The following SVEP1 variants were observed in gnomAD, a reference collection of about 807,000 sequenced individuals.
The protein encoded by SVEP1 is sushi, von Willebrand factor type A, EGF and pentraxin domain containing 1, also known as sushi, von Willebrand factor type A, EGF and pentraxin domain-containing protein 1.
A neutral mutation model predicts 367.3 loss-of-function variants in SVEP1; 164 were observed. The ratio of observed to expected loss-of-function variants is 0.45; its 90% CI spans 0.39 to 0.51. SVEP1 has a LOEUF of 0.51. Among genes scored for constraint, SVEP1 ranks in the 20% least tolerant of loss-of-function variants. SVEP1 has a pLI of 0.00. For missense variants in SVEP1, 4,117 were observed against 4,425.3 expected (o/e 0.93, Z 1.98); for synonymous variants, 1,666 against 1,611.6 (o/e 1.03, Z -0.81).
At position 110,574,902 on chromosome 9, in the gene SVEP1, C is replaced by T. The variant is rs973341786; in HGVS notation, c.531+4111G>A. On this transcript the variant is annotated intron_variant, in intron 1 of 47. Transcript: ENST00000374469. ...CTGGGACTACAGGCACCCACCACCA[C>T]GCCCGGCTAATTTTTTGTGTTTTTA... 3.6e-4 allele frequency among the ~76,000 whole-genome samples: 55 copies of T among 151,886 alleles called. 2 individuals carry two copies. Among genetic ancestry groups the T allele is most frequent in the Non-Finnish European group, 4.4e-5 (3 of 67,970 alleles).
chr9:110,394,206 C>T (rs1377926950), intron 40 of SVEP1, among the ~76,000 whole-genome samples: 4 of 151,830 alleles, frequency 2.6e-5, no homozygotes, highest in Admixed American at 6.6e-5. Context: ...CACCAATATC[C>T]GCTGTTCTGC....
rs1208466571 is a variant in SVEP1, at chr9:110,471,578, A to G, written c.2784T>C (p.Asp928=). Residue 928 remains aspartate (D), a synonymous_variant, in exon 16 of 48, where the codon GAT becomes GAC. Transcript: ENST00000374469. The part of the protein sequence containing the change: ...FNITASVPLP[D]ERNDTLEWEN... ...CCCATTCAAGGGTATCATTTCTTTC[A>G]TCGGGTAATGGCACACTAGCTGAGA... 1 of 1,613,656 alleles carries G rather than the reference A, an allele frequency of 6.2e-7. No homozygotes were observed. Among genetic ancestry groups the G allele is most frequent in the Non-Finnish European group, 8.5e-7 (1 of 1,179,702 alleles).
Position 110,390,057 on chromosome 9 carries a change from A to ATGTG in SVEP1, c.9823-471_9823-470insCACA, listed in dbSNP as rs1827609718. On this transcript the variant is annotated intron_variant, in intron 40 of 47. Transcript: ENST00000374469. The stretch of plus-strand genomic sequence containing the variant: ...TATATATAAGTATATATACACGTAT[A>ATGTG]TATATAAGTATATATATATACGTGT... Among the ~76,000 whole-genome samples the ATGTG allele has an allele frequency of 5.0e-5, 6 of 120,154 alleles. No individual in the cohort carries two copies. The South Asian group carries it at 1.7e-3, about 33-fold the overall frequency. 78.8% of individuals were successfully genotyped at this position (120,154 alleles called of 152,430 possible).
At chr9:110,390,312 T>TATATATATACTTATATAA (rs1564127528) in intron 40 of SVEP1, among the ~76,000 whole-genome samples, 1 of 10,988 alleles carries the variant, frequency 9.1e-5, no homozygotes, top group African/African-American at 5.7e-4. Context: ...TATATAAGTA[T>TATATATATACTTATATAA]GTGTATATAT....
intron 40 of SVEP1, among the ~76,000 whole-genome samples, chr9:110,390,800 TA>T (rs938772495): frequency 2.5e-4 from 37 of 150,838 alleles, no homozygotes; most frequent in African/African-American, 7.3e-4. Context: ...GTATTTGCAT[TA>T]AAAAAAAATC....
At chr9:110,558,762 A>C (rs1409959410) in intron 1 of SVEP1, among the ~76,000 whole-genome samples, 1 of 152,142 alleles carries the variant, frequency 6.6e-6, no homozygotes, top group Non-Finnish European at 1.5e-5. Context: ...AAAGTTTAGT[A>C]CAAATTTTAG....
At chr9:110,434,688 C>CAAAAAAAAAAAAAAAAAAAAAA (rs1356481750) in intron 29 of SVEP1, among the ~76,000 whole-genome samples, 182 bp from the exon 30 acceptor site, 10 of 23,518 alleles carry the variant, frequency 4.3e-4, no homozygotes, top group Non-Finnish European at 5.6e-4. Flanking sequence ...AAAAAAAAAG[C>CAAAAAAAAAAAAAAAAAAAAAA]ATTTAAGTCA....
chr9:110,515,189 C>T (rs1829783695), intron 3 of SVEP1, among the ~76,000 whole-genome samples: 1 of 151,892 alleles, frequency 6.6e-6, no homozygotes, highest in Non-Finnish European at 1.5e-5. Context: ...ATTGTGGAAT[C>T]AAGAGACTTG....
chr9:110,394,829 C>A (rs1827730831), intron 40 of SVEP1, among the ~76,000 whole-genome samples: 1 of 151,628 alleles, frequency 6.6e-6, no homozygotes, highest in Admixed American at 6.6e-5. Context: ...ATGAACAAAG[C>A]CTCCAAGAAA....
At chr9:110,541,795 C>G (rs568415245) in intron 3 of SVEP1, among the ~76,000 whole-genome samples, 1 of 142,014 alleles carries the variant, frequency 7.0e-6, no homozygotes, top group Non-Finnish European at 1.5e-5. Flanking sequence ...ACATAGATAT[C>G]TATATATATC....
At position 110,479,650 on chromosome 9, in the gene SVEP1, C is replaced by T. The variant is rs188609846; in HGVS notation, c.2472G>A (p.Thr824=). The T allele has an allele frequency of 8.1e-6, 13 of 1,605,128 alleles. No individual in the cohort carries two copies. Among genetic ancestry groups the T allele is most frequent in the African/African-American group, 1.3e-5 (1 of 74,398 alleles). Residue 824 remains threonine (T), a synonymous_variant, in exon 13 of 48, where the codon ACG becomes ACA. Coordinates refer to ENST00000374469, the MANE Select transcript of SVEP1 (RefSeq NM_153366.4). ...ATTGATGTACCATTTTTCCCAGGGT[C>T]GTCTCAAATGCTTCAGAAAACTTCT... ...LMKKFSEAFE[T]TLGKMVPSFC...
intron 40 of SVEP1, among the ~76,000 whole-genome samples, chr9:110,390,315 G>A (rs1302521448): frequency 2.9e-3 from 26 of 9,040 alleles, no homozygotes; most frequent in African/African-American, 0.011. Flanking sequence ...ATAAGTATGT[G>A]TATATATACT....
At chr9:110,491,250 T>A (rs951065557) in intron 8 of SVEP1, among the ~76,000 whole-genome samples, 1 of 151,980 alleles carries the variant, frequency 6.6e-6, no homozygotes, top group East Asian at 1.9e-4. Flanking sequence ...GGTATTCTTC[T>A]ACTTTCCGTT....
chr9:110,386,813 A>G (rs1385373448), intron 42 of SVEP1, among the ~76,000 whole-genome samples: 1 of 152,258 alleles, frequency 6.6e-6, no homozygotes, highest in East Asian at 1.9e-4. Context: ...GAAACAGTTA[A>G]CAAGAGCAGT....
At chr9:110,551,916 T>C (rs948758328) in intron 1 of SVEP1, among the ~76,000 whole-genome samples, 2 of 151,758 alleles carry the variant, frequency 1.3e-5, no homozygotes, top group African/African-American at 2.4e-5. Flanking sequence ...CCTTTAGGCA[T>C]AGAGGTCCCC....
intron 1 of SVEP1, 147 bp downstream of exon 1, chr9:110,578,866 G>T: frequency 2.3e-6 from 2 of 860,114 alleles, no homozygotes; most frequent in East Asian, 2.7e-5. Context: ...GGCGGGTAGC[G>T]ATGACTCTGG....
At chr9:110,474,486 G>A (rs139087463) in intron 14 of SVEP1, among the ~76,000 whole-genome samples, 1 of 152,258 alleles carries the variant, frequency 6.6e-6, no homozygotes, top group East Asian at 1.9e-4. Flanking sequence ...AGGATCACAT[G>A]TGCCACCTGC....
At chr9:110,545,761 ATTC>A (rs1420056282) in intron 3 of SVEP1, among the ~76,000 whole-genome samples, 1 of 152,126 alleles carries the variant, frequency 6.6e-6, no homozygotes, top group Non-Finnish European at 1.5e-5. Context: ...ACAAGCTTCC[ATTC>A]TTCTTCTTGG....
chr9:110,449,429 G>A (rs1412460121), intron 24 of SVEP1, among the ~76,000 whole-genome samples: 1 of 152,152 alleles, frequency 6.6e-6, no homozygotes, highest in Admixed American at 6.6e-5. Context: ...GATTTTATCT[G>A]GTATAAAAAC....
Sources: gnomAD v4.1 joint callset for allele counts (sites outside exome capture counted in the v4.1 genomes callset) on GRCh38, gnomAD v4.1.1 for gene constraint, MANE v1.5 for transcripts, NCBI Gene and HGNC (gene_info 2026-07-23, HGNC 2026-07-21) for gene names.